Variants in ETV1 observed in about 807,000 individuals in gnomAD.
The protein encoded by ETV1 is ETS translocation variant 1.
A neutral mutation model predicts 62.3 loss-of-function variants in ETV1; 27 were observed. That is an observed-to-expected ratio of 0.43 (90% confidence interval 0.32 to 0.60). The LOEUF (loss-of-function observed/expected upper bound fraction) is 0.60, where lower values mean the gene tolerates loss of function less well. Ranked by LOEUF, ETV1 falls within the 20% of genes least tolerant of loss-of-function variation. ETV1 has a pLI of 0.06. For missense variants in ETV1, 605 were observed against 605.8 expected (o/e 1.00, Z 0.01); for synonymous variants, 222 against 199.6 (o/e 1.11, Z -0.94).
rs990180907 is a variant in ETV1 at position 13,906,660 on chromosome 7, G to A, written c.941-61C>T. 11 of 1,266,066 alleles carry A rather than the reference G, an allele frequency of 8.7e-6. No individual in the cohort carries two copies. In the Admixed American group the frequency reaches 2.3e-4, roughly 26 times the overall value. 78.4% of individuals were successfully genotyped at this position (1,266,066 alleles called of 1,614,324 possible). The stretch of plus-strand genomic sequence containing the variant: ...AATACTATGCTATCTTACATAAAAT[G>A]TACATTAAATCAATCACTAATATGG... On this transcript the variant is annotated intron_variant, in intron 11 of 13. Coordinates refer to ENST00000430479, the MANE Select transcript of ETV1 (RefSeq NM_004956.5).
At chr7:13,959,560 T>C (rs1322146057) in intron 6 of ETV1, among the ~76,000 whole-genome samples, 1 of 152,118 alleles carries the variant, frequency 6.6e-6, no homozygotes, top group African/African-American at 2.4e-5. Flanking sequence ...ATGTCTAAAA[T>C]GGAATGAGTC....
chr7:13,987,100 T>C (rs1373549314), intron 4 of ETV1: 2 of 174,456 alleles, frequency 1.1e-5, no homozygotes, highest in Non-Finnish European at 2.4e-5. Flanking sequence ...ATTTATATCT[T>C]CTGAATCTTA....
chr7:13,911,287 T>C lies in ETV1; in HGVS notation c.823A>G (p.Ile275Val). ...YDSEVPSCHS[I>V]YMRQEGFLAH... The stretch of plus-strand genomic sequence containing the variant: ...AGGAAGCCTTCTTGCCTCATATAAA[T>C]GGAGTGGCAGCTAGGCACTTCTGAA... Residue 275 changes from isoleucine (I) to valine (V), a missense_variant, in exon 10 of 14, where the codon ATT becomes GTT. Ile to Val is a conservative substitution (Grantham distance 29, BLOSUM62 3). Transcript: ENST00000430479. 1 of 1,612,782 alleles carries C rather than the reference T, an allele frequency of 6.2e-7. No individual in the cohort carries two copies. Among genetic ancestry groups the C allele is most frequent in the Non-Finnish European group, 8.5e-7 (1 of 1,179,016 alleles).
Position 13,892,645 on chromosome 7 carries a change from C to T in ETV1, c.*3221G>A, listed in dbSNP as rs1583531616. On this transcript the variant is annotated 3_prime_UTR_variant, in exon 14 of 14. Transcript: ENST00000430479. ...TGGCACACGTCATTAAGTTAAGGAT[C>T]TTGAGATGGAGAGATTGTCCTGGAT... The T allele has an allele frequency of 4.3e-6, 1 of 232,298 alleles. No homozygotes were observed. The highest frequency in any genetic ancestry group is 6.1e-5 in the East Asian group (1 of 16,414). 14.4% of individuals were successfully genotyped at this position (232,298 alleles called of 1,614,324 possible). A position where few individuals can be genotyped will look rare whatever the true frequency, so the allele number is the denominator to read the frequency against.
intron 13 of ETV1, among the ~76,000 whole-genome samples, chr7:13,896,743 G>GGAAAGAAAGAAA (rs10694579): frequency 0.22 from 25,251 of 115,012 alleles, 3,176 homozygotes; most frequent in East Asian, 0.27. Flanking sequence ...AAGAAAGAAA[G>GGAAAGAAAGAAA]GAAAGAAAGA....
chr7:13,961,095 A>G (rs1790111696), intron 6 of ETV1, among the ~76,000 whole-genome samples: 1 of 152,022 alleles, frequency 6.6e-6, no homozygotes. Context: ...GCAGTGAGCC[A>G]TGATTGCCCC....
At chr7:13,962,653 G>A (rs1790327551) in intron 6 of ETV1, among the ~76,000 whole-genome samples, 1 of 152,064 alleles carries the variant, frequency 6.6e-6, no homozygotes, top group South Asian at 2.1e-4. Flanking sequence ...GATTCCTGAA[G>A]CTGAAGACCT....
At chr7:13,983,160 C>T (rs556781356) in intron 5 of ETV1, among the ~76,000 whole-genome samples, 1 of 152,050 alleles carries the variant, frequency 6.6e-6, no homozygotes, top group African/African-American at 2.4e-5. Context: ...CACTGGAAAA[C>T]ATTTTACCCT....
intron 9 of ETV1, among the ~76,000 whole-genome samples, chr7:13,915,517 AT>A (rs1185423181): frequency 6.6e-6 from 1 of 152,130 alleles, no homozygotes; most frequent in Admixed American, 6.5e-5. Flanking sequence ...ACTTCACTAG[AT>A]TTTTTGTTTG....
intron 5 of ETV1, among the ~76,000 whole-genome samples, chr7:13,981,870 G>C (rs1782025679): frequency 6.6e-6 from 1 of 151,886 alleles, no homozygotes; most frequent in Non-Finnish European, 1.5e-5. Context: ...TTCCTACAGT[G>C]GTATGCTGTT....
intron 6 of ETV1, among the ~76,000 whole-genome samples, chr7:13,955,656 G>T (rs900526195): frequency 6.6e-6 from 1 of 152,084 alleles, no homozygotes; most frequent in African/African-American, 2.4e-5. Flanking sequence ...AAACTAATTT[G>T]AATACCTCTT....
intron 11 of ETV1, among the ~76,000 whole-genome samples, chr7:13,908,683 G>T (rs901541748): frequency 5.3e-5 from 8 of 152,152 alleles, no homozygotes; most frequent in African/African-American, 1.9e-4. Context: ...AAGGGTAAGG[G>T]TAGCACAAAG....
Position 13,951,826 on chromosome 7 carries a change from A to G in ETV1, c.236-12580T>C, listed in dbSNP as rs1013090167. Among the ~76,000 whole-genome samples, 12 of 152,342 alleles carry G rather than the reference A, an allele frequency of 7.9e-5. No individual in the cohort carries two copies. In the East Asian group the frequency reaches 2.3e-3, roughly 29 times the overall value. On this transcript the variant is annotated intron_variant, in intron 6 of 13. Coordinates refer to ENST00000430479, the MANE Select transcript of ETV1 (RefSeq NM_004956.5). ...GTGTAAGAATTTAATGACGTAACAC[A>G]TAATGAGAACTTGATAGTAGCTGAC...
At chr7:13,978,854 T>C (rs926739344) in intron 5 of ETV1, among the ~76,000 whole-genome samples, 3 of 152,214 alleles carry the variant, frequency 2.0e-5, no homozygotes, top group African/African-American at 7.2e-5. Flanking sequence ...CTGATAATTG[T>C]GCCTGTTATA....
chr7:13,929,777 C>CT (rs1209774706), intron 9 of ETV1, among the ~76,000 whole-genome samples: 1 of 152,174 alleles, frequency 6.6e-6, no homozygotes, highest in Non-Finnish European at 1.5e-5. Flanking sequence ...TGCATGCTTT[C>CT]TAGAAGTTGA....
chr7:13,955,412 T>A (rs937116862), intron 6 of ETV1, among the ~76,000 whole-genome samples: 37 of 152,324 alleles, frequency 2.4e-4, no homozygotes, highest in African/African-American at 8.7e-4. Flanking sequence ...AGTCCTTTTT[T>A]AATTTCTTAA....
At chr7:13,902,628 G>T (rs1184348119) in intron 12 of ETV1, among the ~76,000 whole-genome samples, 1 of 152,050 alleles carries the variant, frequency 6.6e-6, no homozygotes, top group Non-Finnish European at 1.5e-5. Flanking sequence ...CATAGCAGCC[G>T]AACTATATGC....
chr7:13,973,754 G>A (rs1781135070), intron 6 of ETV1, among the ~76,000 whole-genome samples: 1 of 151,754 alleles, frequency 6.6e-6, no homozygotes, highest in Admixed American at 6.6e-5. Context: ...TTGTTAAACT[G>A]TAAATATTCT....
chr7:13,924,493 G>T (rs187790713), intron 9 of ETV1, among the ~76,000 whole-genome samples: 1 of 152,196 alleles, frequency 6.6e-6, no homozygotes, highest in Admixed American at 6.5e-5. Flanking sequence ...CTACCTCACT[G>T]CGGTGAACAC....
Sources: allele counts gnomAD v4.1 joint callset (sites outside exome capture counted in the v4.1 genomes callset), GRCh38; gene constraint gnomAD v4.1.1; transcripts MANE v1.5; gene names NCBI Gene and HGNC (gene_info 2026-07-23, HGNC 2026-07-21).